CLVS1: variants seen among roughly 807,000 people sequenced by gnomAD.
CLVS1 encodes the protein clavesin-1.
In CLVS1, 10 loss-of-function variants were observed where a neutral mutation model predicts 33.1. The ratio of observed to expected loss-of-function variants is 0.30; its 90% CI spans 0.19 to 0.51. The LOEUF is 0.51. Among genes scored for constraint, CLVS1 ranks in the 20% least tolerant of loss-of-function variants. The pLI is 0.97. For missense variants in CLVS1, 343 were observed against 433.4 expected, an observed-to-expected ratio of 0.79 and a Z score of 1.85; for synonymous variants, 163 against 166.1, an observed-to-expected ratio of 0.98 and a Z score of 0.14.
chr8:61,089,746 C>T (rs139279890), intron 1 of CLVS1, among the ~76,000 whole-genome samples: 3 of 152,078 alleles, frequency 2.0e-5, no homozygotes, highest in Admixed American at 1.3e-4. Context: ...TAGCAAGACT[C>T]TTATCTCTAC....
At chr8:61,147,063 C>A (rs1379719359) in intron 2 of CLVS1, among the ~76,000 whole-genome samples, 3 of 152,212 alleles carry the variant, frequency 2.0e-5, no homozygotes, top group Non-Finnish European at 4.4e-5. Flanking sequence ...TGACAAAGAG[C>A]AGCTGAAATA....
At chr8:61,105,315 C>T (rs546762676) in intron 1 of CLVS1, among the ~76,000 whole-genome samples, 193 of 152,258 alleles carry the variant, frequency 1.3e-3, no homozygotes, top group Middle Eastern at 3.4e-3. Flanking sequence ...CATACATGCA[C>T]ACACACACAA....
At chr8:61,045,963 C>T in the CLVS1 span, among the ~76,000 whole-genome samples, 1 of 152,142 alleles carries the variant, frequency 6.6e-6, no homozygotes, top group Non-Finnish European at 1.5e-5. Context: ...ATGGTAGTTT[C>T]TTTTGCTGTG....
At chr8:61,235,820 T>G (rs757406085) in intron 2 of CLVS1, among the ~76,000 whole-genome samples, 8 of 152,208 alleles carry the variant, frequency 5.3e-5, no homozygotes, top group Non-Finnish European at 8.8e-5. Flanking sequence ...TTCTTGTTGC[T>G]AGAGATAGAG....
chr8:61,115,636 G>A (rs2129288918), intron 1 of CLVS1, among the ~76,000 whole-genome samples: 1 of 150,956 alleles, frequency 6.6e-6, no homozygotes, highest in East Asian at 2.0e-4. Flanking sequence ...TTGGTTTTTT[G>A]TTCTTGCGAT....
intron 2 of CLVS1, among the ~76,000 whole-genome samples, chr8:61,228,899 G>GAT (rs371658404): frequency 5.3e-5 from 8 of 151,818 alleles, no homozygotes; most frequent in South Asian, 2.1e-4. Context: ...ATTTCTTTCG[G>GAT]ATATATATAT....
intron 3 of CLVS1, among the ~76,000 whole-genome samples, chr8:61,389,433 C>T (rs192900401): frequency 1.3e-4 from 20 of 152,084 alleles, no homozygotes; most frequent in Admixed American, 5.2e-4. Context: ...CCCAGCTACT[C>T]GGCAGGCTGA....
chr8:61,426,383 A>G (rs759070226), intron 3 of CLVS1, among the ~76,000 whole-genome samples: 15 of 152,206 alleles, frequency 9.9e-5, no homozygotes, highest in Admixed American at 2.6e-4. Flanking sequence ...TACTAATTGT[A>G]TCCTGTATTT....
intron 5 of CLVS1, among the ~76,000 whole-genome samples, chr8:61,478,107 T>G (rs1019824783): frequency 1.3e-5 from 2 of 152,234 alleles, no homozygotes; most frequent in Non-Finnish European, 2.9e-5. Context: ...GTTTTTCAGT[T>G]TCCATGTAGT....
intron 3 of CLVS1, among the ~76,000 whole-genome samples, chr8:61,421,876 GA>G (rs1815686262): frequency 6.6e-6 from 1 of 152,120 alleles, no homozygotes; most frequent in Non-Finnish European, 1.5e-5. Context: ...TAGTGAAATG[GA>G]AAGATCCAGC....
At chr8:61,333,574 A>G (rs1019177729) in intron 2 of CLVS1, among the ~76,000 whole-genome samples, 1 of 152,222 alleles carries the variant, frequency 6.6e-6, no homozygotes, top group African/African-American at 2.4e-5. Context: ...CTAAAAACCA[A>G]TCTGGATTAG....
chr8:61,397,339 T>A (rs142396690), intron 3 of CLVS1, among the ~76,000 whole-genome samples: 6 of 152,318 alleles, frequency 3.9e-5, no homozygotes, highest in African/African-American at 1.4e-4. Context: ...TTGGCCATTT[T>A]AATATCTTTT....
chr8:61,090,747 T>G, intron 1 of CLVS1: 2 of 419,284 alleles, frequency 4.8e-6, no homozygotes, highest in Admixed American at 5.5e-5. Context: ...AGCATAAAAC[T>G]TGTTTCCTAA....
At chr8:61,302,664 T>C (rs186056975) in intron 2 of CLVS1, among the ~76,000 whole-genome samples, 12 of 152,304 alleles carry the variant, frequency 7.9e-5, no homozygotes. Context: ...GATTTTGAAA[T>C]AGGAAAGTAT....
rs1817242511 is a variant in CLVS1, at chr8:61,458,420, G to GACGTTACTCGGTCCCGA, written c.856_872dup (p.Asp291GlufsTer24). 1.2e-6 allele frequency: 2 copies of GACGTTACTCGGTCCCGA among 1,613,996 alleles called. No homozygotes were observed. Among genetic ancestry groups the GACGTTACTCGGTCCCGA allele is most frequent in the Non-Finnish European group, 8.5e-7 (1 of 1,179,942 alleles). On this transcript the variant is annotated frameshift_variant, in exon 5 of 6. Coordinates refer to ENST00000325897, the MANE Select transcript of CLVS1 (RefSeq NM_173519.3). LOFTEE classifies it high-confidence loss of function. The stretch of plus-strand genomic sequence containing the variant: ...CTTATGACATGGGAACTTGGGCCCG[G>GACGTTACTCGGTCCCGA]ACGTTACTCGGTCCCGACTACAGCG...
chr8:61,089,391 C>T (rs916014493), intron 1 of CLVS1, among the ~76,000 whole-genome samples: 4 of 152,200 alleles, frequency 2.6e-5, no homozygotes, highest in African/African-American at 9.7e-5. Flanking sequence ...GGTTCTGGGA[C>T]ATATGTGGTC....
At chr8:61,311,875 T>C (rs1448548055) in intron 2 of CLVS1, among the ~76,000 whole-genome samples, 1 of 152,228 alleles carries the variant, frequency 6.6e-6, no homozygotes, top group Non-Finnish European at 1.5e-5. Context: ...GAAATTGTGC[T>C]GCAATCCAGG....
chr8:61,184,890 T>C (rs1260316778), intron 2 of CLVS1, among the ~76,000 whole-genome samples: 2 of 152,244 alleles, frequency 1.3e-5, no homozygotes, highest in African/African-American at 4.8e-5. Context: ...TTTTCTTTGC[T>C]GATAAAATTA....
At chr8:61,309,551 A>T (rs572765413) in intron 2 of CLVS1, among the ~76,000 whole-genome samples, 1 of 148,076 alleles carries the variant, frequency 6.8e-6, no homozygotes, top group Non-Finnish European at 1.5e-5. Context: ...TTACTTTCTC[A>T]TGTAGAAAAA....
Sources: gnomAD v4.1 joint callset for allele counts (sites outside exome capture counted in the v4.1 genomes callset) on GRCh38, gnomAD v4.1.1 for gene constraint, MANE v1.5 for transcripts, NCBI Gene and HGNC (gene_info 2026-07-23, HGNC 2026-07-21) for gene names.